MBD5: variants seen among roughly 807,000 people sequenced by gnomAD.
MBD5 encodes methyl-CpG binding domain protein 5.
A neutral mutation model predicts 117.3 loss-of-function variants in MBD5; 13 were observed. The observed-to-expected ratio is 0.11, with a 90% confidence interval of 0.07 to 0.18. The LOEUF (loss-of-function observed/expected upper bound fraction) is 0.18, where lower values mean the gene tolerates loss of function less well. MBD5 is among the 10% of genes least tolerant of loss of function. The pLI is 1.00. For missense variants in MBD5, 1,879 were observed against 2,093.8 expected, an observed-to-expected ratio of 0.90 and a Z score of 2.00; for synonymous variants, 727 against 766.4, an observed-to-expected ratio of 0.95 and a Z score of 0.85.
At chr2:148,383,558 A>G (rs1338788591) in intron 4 of MBD5, among the ~76,000 whole-genome samples, 2 of 152,174 alleles carry the variant, frequency 1.3e-5, no homozygotes, top group African/African-American at 2.4e-5. Context: ...TCCTTCTGAA[A>G]CTATTCCAAT....
At chr2:148,465,620 G>A (rs1043828677) in intron 7 of MBD5, among the ~76,000 whole-genome samples, 7 of 152,190 alleles carry the variant, frequency 4.6e-5, no homozygotes, top group African/African-American at 1.4e-4. Flanking sequence ...AAGAGGGATA[G>A]GAAAAACCTT....
At chr2:148,046,245 G>A (rs1694528986) in intron 1 of MBD5, among the ~76,000 whole-genome samples, 4 of 152,198 alleles carry the variant, frequency 2.6e-5, no homozygotes, top group Admixed American at 1.3e-4. Context: ...GCCTCCCAAA[G>A]TGCTGGGATT....
intron 2 of MBD5, among the ~76,000 whole-genome samples, chr2:148,184,477 C>A (rs947847716): frequency 2.0e-5 from 3 of 152,150 alleles, no homozygotes; most frequent in Non-Finnish European, 2.9e-5. Context: ...TTTATCCAGT[C>A]TATATACTTC....
chr2:148,153,069 G>A lies in MBD5; in HGVS notation c.-924-25631G>A, dbSNP rs183988502. ...TTACATTTTGGCATGATTTTGCAGC[G>A]GCTGGTACCGATTATTCCTTTCCAT... is the stretch of plus-strand genomic sequence containing the variant. On this transcript the variant is annotated intron_variant, in intron 1 of 13. Transcript: ENST00000642680. 2.4e-4 allele frequency among the ~76,000 whole-genome samples: 37 copies of A among 151,846 alleles called. No individual in the cohort carries two copies. In the East Asian group the frequency reaches 5.5e-3, roughly 22 times the overall value.
rs537311587 is a variant in MBD5 at position 148,314,629 on chromosome 2, C to T, written c.-679-27585C>T. Reference sequence around the variant, plus strand: ...CTGGCCTCAGGTGATCCACCCTCCTCGGCCTCCCAAAGTGCTGGGATTACA... The same window carrying T: ...CTGGCCTCAGGTGATCCACCCTCCTTGGCCTCCCAAAGTGCTGGGATTACA... On this transcript the variant is annotated intron_variant, in intron 3 of 13. Coordinates refer to ENST00000642680, the MANE Select transcript of MBD5 (RefSeq NM_001378120.1). Among the ~76,000 whole-genome samples the T allele has an allele frequency of 1.4e-4, 22 of 152,178 alleles. No individual in the cohort carries two copies. The South Asian group carries it at 4.4e-3, about 30-fold the overall frequency.
At chr2:148,204,533 C>A (rs1699227656) in intron 2 of MBD5, among the ~76,000 whole-genome samples, 1 of 152,114 alleles carries the variant, frequency 6.6e-6, no homozygotes, top group African/African-American at 2.4e-5. Flanking sequence ...AATACTGAGA[C>A]ATGTCCTCAT....
intron 2 of MBD5, among the ~76,000 whole-genome samples, chr2:148,184,248 A>G (rs533128695): frequency 6.6e-6 from 1 of 152,152 alleles, no homozygotes; most frequent in Non-Finnish European, 1.5e-5. Flanking sequence ...CCTGACCTCA[A>G]GTGGTCCTCC....
chr2:148,315,130 A>G (rs887932927), intron 3 of MBD5, among the ~76,000 whole-genome samples: 3 of 152,320 alleles, frequency 2.0e-5, no homozygotes, highest in Non-Finnish European at 1.5e-5. Flanking sequence ...AACTTTTTCC[A>G]TAGTTCTTTA....
chr2:148,037,051 T>C (rs1694214636), intron 1 of MBD5, among the ~76,000 whole-genome samples: 1 of 152,010 alleles, frequency 6.6e-6, no homozygotes, highest in South Asian at 2.1e-4. Context: ...ATGCTCATAA[T>C]TGCTTAAGAC....
intron 1 of MBD5, among the ~76,000 whole-genome samples, chr2:148,109,725 G>A (rs1039309632): frequency 6.6e-6 from 1 of 151,904 alleles, no homozygotes; most frequent in Non-Finnish European, 1.5e-5. Context: ...TTGTTTAAAT[G>A]GTTACAAGTA....
chr2:148,023,375 TTTAA>T (rs1211034842), intron 1 of MBD5, among the ~76,000 whole-genome samples: 3 of 152,226 alleles, frequency 2.0e-5, no homozygotes, highest in Admixed American at 6.5e-5. Context: ...TCTGTAAAAT[TTTAA>T]TTATCAACTG....
intron 11 of MBD5, among the ~76,000 whole-genome samples, chr2:148,494,283 C>T (rs1021666992): frequency 2.0e-5 from 3 of 152,134 alleles, no homozygotes; most frequent in Non-Finnish European, 4.4e-5. Flanking sequence ...ATGTTTACAG[C>T]ACATGTACAA....
chr2:148,166,368 ATAT>A (rs1278183209), intron 1 of MBD5, among the ~76,000 whole-genome samples: 14 of 152,176 alleles, frequency 9.2e-5, no homozygotes, highest in African/African-American at 3.4e-4. Context: ...AGGATTTGAA[ATAT>A]TATTCTCATC....
chr2:148,386,054 T>G (rs1704349526), intron 4 of MBD5, among the ~76,000 whole-genome samples: 1 of 151,716 alleles, frequency 6.6e-6, no homozygotes, highest in Non-Finnish European at 1.5e-5. Flanking sequence ...GGCACATGTA[T>G]ACATATGTAA....
intron 4 of MBD5, among the ~76,000 whole-genome samples, chr2:148,411,561 T>C (rs1192145177): frequency 1.3e-5 from 2 of 149,160 alleles, no homozygotes; most frequent in Non-Finnish European, 1.5e-5. Flanking sequence ...TGACTGATAT[T>C]AGATGGTATC....
At chr2:148,120,378 T>TTGGGA (rs1196231580) in intron 1 of MBD5, among the ~76,000 whole-genome samples, 1 of 152,114 alleles carries the variant, frequency 6.6e-6, no homozygotes, top group East Asian at 1.9e-4. Context: ...TAAATCAATT[T>TTGGGA]TGGGATTATT....
At chr2:148,275,290 C>T (rs921996779) in intron 3 of MBD5, among the ~76,000 whole-genome samples, 1 of 151,904 alleles carries the variant, frequency 6.6e-6, no homozygotes, top group African/African-American at 2.4e-5. Flanking sequence ...TATTGCTTCC[C>T]CTCCATCCAT....
intron 11 of MBD5, among the ~76,000 whole-genome samples, chr2:148,491,319 C>G: frequency 6.9e-6 from 1 of 144,362 alleles, no homozygotes; most frequent in Non-Finnish European, 1.5e-5. Context: ...TTTTTTCGGC[C>G]TTTACAATAA....
chr2:148,035,008 T>TAAAC (rs1694151178), intron 1 of MBD5, among the ~76,000 whole-genome samples: 1 of 152,140 alleles, frequency 6.6e-6, no homozygotes, highest in African/African-American at 2.4e-5. Flanking sequence ...TGAACTTTAG[T>TAAAC]TTATCAGTAA....
Sources: gnomAD v4.1 joint callset for allele counts (sites outside exome capture counted in the v4.1 genomes callset) on GRCh38, gnomAD v4.1.1 for gene constraint, MANE v1.5 for transcripts, NCBI Gene and HGNC (gene_info 2026-07-23, HGNC 2026-07-21) for gene names.